The following LAMA2 variants were observed in gnomAD, a reference collection of about 807,000 sequenced individuals.
LAMA2 encodes laminin subunit alpha-2.
Under a neutral mutation model 364.8 loss-of-function variants are expected in LAMA2, and 269 were observed. The ratio of observed to expected loss-of-function variants is 0.74; its 90% CI spans 0.67 to 0.82. The LOEUF (loss-of-function observed/expected upper bound fraction) is 0.82. Ranked by LOEUF, LAMA2 falls within the 40% of genes least tolerant of loss-of-function variation. The pLI is 0.00. For synonymous variants in LAMA2, 1,379 were observed against 1,370.6 expected, an observed-to-expected ratio of 1.01 and a Z score of -0.14; for missense variants, 3,807 against 3,873.2, an observed-to-expected ratio of 0.98 and a Z score of 0.45.
At chr6:129,169,467 T>G (rs1467250074) in intron 9 of LAMA2, among the ~76,000 whole-genome samples, 1 of 149,676 alleles carries the variant, frequency 6.7e-6, no homozygotes, top group Non-Finnish European at 1.5e-5. Context: ...ATTACATTTA[T>G]TGATTTGTGT....
chr6:129,073,603 G>A (rs1038966068), intron 3 of LAMA2, among the ~76,000 whole-genome samples: 8 of 151,836 alleles, frequency 5.3e-5, no homozygotes, highest in Admixed American at 3.9e-4. Flanking sequence ...ACATTTTCTG[G>A]GTGACCTGTT....
chr6:129,297,987 A>G, intron 21 of LAMA2, 122 bp downstream of exon 21: 1 of 658,512 alleles, frequency 1.5e-6, no homozygotes, highest in Non-Finnish European at 2.4e-6. Flanking sequence ...ATAATGAGTA[A>G]TGTCTACTTA....
At chr6:129,013,966 AATGG>A (rs1784924504) in intron 1 of LAMA2, among the ~76,000 whole-genome samples, 1 of 152,176 alleles carries the variant, frequency 6.6e-6, no homozygotes, top group Non-Finnish European at 1.5e-5. Flanking sequence ...AGTACTTATT[AATGG>A]CCCAGAGGTC....
intron 32 of LAMA2, among the ~76,000 whole-genome samples, chr6:129,361,999 G>A (rs1777493064): frequency 1.3e-5 from 2 of 151,784 alleles, no homozygotes; most frequent in South Asian, 4.2e-4. Context: ...GGCCAGGCTG[G>A]TCTCAAACTT....
chr6:128,977,633 A>G (rs770820995), intron 1 of LAMA2, among the ~76,000 whole-genome samples: 9 of 152,052 alleles, frequency 5.9e-5, no homozygotes, highest in African/African-American at 1.9e-4. Flanking sequence ...CATTACCTTC[A>G]ACAGTGCTTT....
chr6:129,012,529 A>G (rs767110717), intron 1 of LAMA2, among the ~76,000 whole-genome samples: 3 of 152,212 alleles, frequency 2.0e-5, no homozygotes, highest in Non-Finnish European at 4.4e-5. Flanking sequence ...TGTTTTTGGC[A>G]TAATTCCTTT....
Position 129,190,269 on chromosome 6 carries a change from A to G in LAMA2, c.1532A>G (p.Asn511Ser), listed in dbSNP as rs1196748326. ...GGCTTCTTCAATTTGCAAGAGGATA[A>G]TTGGAAAGGCTGCGATGAGTGTTTC... is the stretch of plus-strand genomic sequence containing the variant. ...KSGFFNLQED[N>S]WKGCDECFCS... Residue 511 changes from asparagine (N) to serine (S), a missense_variant, in exon 11 of 65, where the codon AAT becomes AGT. Coordinates refer to ENST00000421865, the MANE Select transcript of LAMA2 (RefSeq NM_000426.4). The G allele has an allele frequency of 1.2e-6, 2 of 1,613,642 alleles. No homozygotes were observed. Among genetic ancestry groups the G allele is most frequent in the African/African-American group, 2.7e-5 (2 of 74,926 alleles).
rs111992751 is a variant in LAMA2, at chr6:129,499,713, C to T, written c.8245-2946C>T. ...AGCAATAAACTGGTGCTGCCCTGAA[C>T]ACATCATGTTTTTTTTCTTTTTGAG... is the stretch of plus-strand genomic sequence containing the variant. On this transcript the variant is annotated intron_variant, in intron 58 of 64. Coordinates refer to ENST00000421865, the MANE Select transcript of LAMA2 (RefSeq NM_000426.4). Among the ~76,000 whole-genome samples, 1,264 of 152,148 alleles carry T rather than the reference C, an allele frequency of 8.3e-3. 11 individuals are homozygous for T. Among genetic ancestry groups the T allele is most frequent in the Non-Finnish European group, 0.014 (942 of 67,994 alleles).
At chr6:128,997,826 G>C (rs1416109800) in intron 1 of LAMA2, among the ~76,000 whole-genome samples, 1 of 152,104 alleles carries the variant, frequency 6.6e-6, no homozygotes, top group Non-Finnish European at 1.5e-5. Flanking sequence ...CCTGTAATGA[G>C]ATGAGAAGTT....
chr6:129,202,927 T>A (rs1782396558), intron 12 of LAMA2, among the ~76,000 whole-genome samples: 1 of 152,202 alleles, frequency 6.6e-6, no homozygotes, highest in African/African-American at 2.4e-5. Flanking sequence ...ATTAAGTGTA[T>A]CAAACAGGTG....
intron 35 of LAMA2, among the ~76,000 whole-genome samples, chr6:129,384,353 G>A (rs948967476): frequency 2.0e-5 from 3 of 152,096 alleles, no homozygotes; most frequent in Non-Finnish European, 2.9e-5. Flanking sequence ...CACTCTGAGC[G>A]GATCCCCAAA....
intron 32 of LAMA2, among the ~76,000 whole-genome samples, chr6:129,363,655 A>T (rs986042114): frequency 1.3e-5 from 2 of 152,220 alleles, no homozygotes; most frequent in Non-Finnish European, 2.9e-5. Context: ...CTTGTTAGAA[A>T]AGCACATTCT....
chr6:129,158,195 A>G, intron 8 of LAMA2: 1 of 1,613,664 alleles, frequency 6.2e-7, no homozygotes, highest in Non-Finnish European at 8.5e-7. Flanking sequence ...CATGGTAATC[A>G]GTAATCAAAT....
intron 29 of LAMA2, among the ~76,000 whole-genome samples, chr6:129,335,196 T>C (rs982339897): frequency 1.3e-5 from 2 of 152,142 alleles, no homozygotes; most frequent in African/African-American, 4.8e-5. Flanking sequence ...CATTAATAAA[T>C]CCTGTACATA....
rs201041465 is a variant in LAMA2 at position 129,512,508 on chromosome 6, T to C, written c.8988+15T>C. On this transcript the variant is annotated intron_variant, in intron 63 of 64. Coordinates refer to ENST00000421865, the MANE Select transcript of LAMA2 (RefSeq NM_000426.4). Reference sequence around the variant, plus strand: ...TTGATGAAAAGGTGAGTGTCAGCAATGCAAACATTTCTGATTTCTTCATGA... The same window carrying C: ...TTGATGAAAAGGTGAGTGTCAGCAACGCAAACATTTCTGATTTCTTCATGA... 2.4e-4 allele frequency: 394 copies of C among 1,612,980 alleles called. No individual in the cohort carries two copies. Among genetic ancestry groups the C allele is most frequent in the Middle Eastern group, 3.3e-4 (2 of 6,078 alleles).
chr6:129,233,484 T>A (rs919256245), intron 12 of LAMA2, among the ~76,000 whole-genome samples: 1 of 152,098 alleles, frequency 6.6e-6, no homozygotes, highest in Non-Finnish European at 1.5e-5. Flanking sequence ...TATAATAAAG[T>A]GTGTTAGAGA....
chr6:129,419,996 A>T (rs922201086), intron 40 of LAMA2, among the ~76,000 whole-genome samples: 1 of 152,148 alleles, frequency 6.6e-6, no homozygotes, highest in Non-Finnish European at 1.5e-5. Flanking sequence ...ATGATTTTTT[A>T]AATTATTATA....
At chr6:129,235,888 T>C (rs1373578107) in intron 12 of LAMA2, among the ~76,000 whole-genome samples, 1 of 152,214 alleles carries the variant, frequency 6.6e-6, no homozygotes, top group Admixed American at 6.5e-5. Flanking sequence ...CAAGGCTATT[T>C]ATTCTAATGA....
At chr6:129,417,053 C>G (rs562706324) in intron 40 of LAMA2, among the ~76,000 whole-genome samples, 1 of 152,264 alleles carries the variant, frequency 6.6e-6, no homozygotes, top group South Asian at 2.1e-4. Flanking sequence ...TAGGTCTCAG[C>G]TCCCCAAAAG....
Sources: allele counts gnomAD v4.1 joint callset (sites outside exome capture counted in the v4.1 genomes callset), GRCh38; gene constraint gnomAD v4.1.1; transcripts MANE v1.5; gene names NCBI Gene and HGNC (gene_info 2026-07-23, HGNC 2026-07-21).